PRKG1: variants seen among roughly 807,000 people sequenced by gnomAD.
PRKG1 encodes the protein cGMP-dependent protein kinase 1.
A neutral mutation model predicts 88.1 loss-of-function variants in PRKG1; 35 were observed. That is an observed-to-expected ratio of 0.40 (90% CI 0.30 to 0.53). The LOEUF (loss-of-function observed/expected upper bound fraction) is 0.53, where lower values mean the gene tolerates loss of function less well. PRKG1 is among the 20% of genes least tolerant of loss of function. The pLI, the probability that PRKG1 is intolerant of heterozygous loss-of-function variation, is 0.59. For missense variants in PRKG1, 540 were observed against 839.8 expected, an observed-to-expected ratio of 0.64 and a Z score of 4.41; for synonymous variants, 303 against 292.5, an observed-to-expected ratio of 1.04 and a Z score of -0.37.
At chr10:52,203,845 T>C (rs1401146920) in intron 9 of PRKG1, among the ~76,000 whole-genome samples, 1 of 152,116 alleles carries the variant, frequency 6.6e-6, no homozygotes, top group African/African-American at 2.4e-5. Flanking sequence ...CATGCTTTTG[T>C]TTTGTTTTGT....
At chr10:51,513,992 A>C in intron 3 of PRKG1, among the ~76,000 whole-genome samples, 1 of 142,582 alleles carries the variant, frequency 7.0e-6, no homozygotes, top group African/African-American at 2.7e-5. Context: ...GAAAGAACCA[A>C]GATCAGAGCA....
At position 52,293,787 on chromosome 10, in the gene PRKG1, G is replaced by C; in HGVS notation, c.1963-15G>C. The C allele has an allele frequency of 6.2e-7, 1 of 1,601,570 alleles. No individual in the cohort carries two copies. Among genetic ancestry groups the C allele is most frequent in the Non-Finnish European group, 8.5e-7 (1 of 1,172,002 alleles). On this transcript the variant is annotated splice_polypyrimidine_tract_variant and intron_variant, in intron 17 of 17. Coordinates refer to ENST00000373980, the MANE Select transcript of PRKG1 (RefSeq NM_006258.4). ...AAAAAAAATCCACTAAAAAAAACCT[G>C]TCCATTTTTTACAGGTTGCATCACC... is the stretch of plus-strand genomic sequence containing the variant.
chr10:52,046,914 A>G (rs1158096239), intron 5 of PRKG1: 1 of 152,154 alleles, frequency 6.6e-6, no homozygotes, highest in East Asian at 1.9e-4. Context: ...CATTAATTTG[A>G]GAAGATCTGG....
At chr10:51,786,270 G>A (rs561766245) in intron 3 of PRKG1, among the ~76,000 whole-genome samples, 7 of 152,066 alleles carry the variant, frequency 4.6e-5, no homozygotes, top group Admixed American at 2.6e-4. Flanking sequence ...GTTATTTCTC[G>A]GCTGAGTGGT....
Position 51,334,981 on chromosome 10 carries a change from G to GT in PRKG1, c.479-132737dup, listed in dbSNP as rs568815826. Among the ~76,000 whole-genome samples, 66 of 144,834 alleles carry GT rather than the reference G, an allele frequency of 4.6e-4. 1 individual carries two copies. The highest frequency in any genetic ancestry group is 1.6e-3 in the African/African-American group (63 of 39,402). On this transcript the variant is annotated intron_variant, in intron 2 of 17. Transcript: ENST00000373980. ...ATGAGTGCCTTGATTAAGCAAAAAG[G>GT]TTTTTCCTGTCAGGTTTCTTTTTTT... is the stretch of plus-strand genomic sequence containing the variant.
rs1370583258 is a variant in PRKG1, at chr10:52,068,160, G to A, written c.935+5529G>A. Among the ~76,000 whole-genome samples, 51 of 87,518 alleles carry A rather than the reference G, an allele frequency of 5.8e-4. 3 individuals carry two copies. The highest frequency in any genetic ancestry group is 1.6e-3 in the African/African-American group (48 of 29,164). 57.4% of individuals were successfully genotyped at this position (87,518 alleles called of 152,430 possible). A position where few individuals can be genotyped will look rare whatever the true frequency, so the allele number is the denominator to read the frequency against. ...GGAGCTTGCAGTGAGTCGAGATCGC[G>A]CCACTGCACTCCAGCCTGGGCGACA... is the stretch of plus-strand genomic sequence containing the variant. On this transcript the variant is annotated intron_variant, in intron 7 of 17. Transcript: ENST00000373980.
chr10:51,107,387 C>T (rs1262467183), intron 1 of PRKG1, among the ~76,000 whole-genome samples: 3 of 151,750 alleles, frequency 2.0e-5, no homozygotes, highest in Non-Finnish European at 2.9e-5. Context: ...ATTTTCCCAT[C>T]TCAAGAAACT....
chr10:52,139,288 G>T (rs1434153282), intron 8 of PRKG1, among the ~76,000 whole-genome samples: 2 of 152,016 alleles, frequency 1.3e-5, no homozygotes, highest in Non-Finnish European at 2.9e-5. Flanking sequence ...ATGGTTTTTT[G>T]TTCCTTTACC....
chr10:51,333,540 A>T (rs1250479002), intron 2 of PRKG1, among the ~76,000 whole-genome samples: 1 of 152,210 alleles, frequency 6.6e-6, no homozygotes, highest in African/African-American at 2.4e-5. Flanking sequence ...GAGAGAAAAA[A>T]GCTTAGCACA....
chr10:51,292,748 G>A (rs568391650), intron 2 of PRKG1, among the ~76,000 whole-genome samples: 11 of 151,986 alleles, frequency 7.2e-5, no homozygotes, highest in African/African-American at 2.4e-4. Context: ...TCTGCCTATG[G>A]GTGTCTACGC....
At chr10:51,571,747 T>C (rs1435816874) in intron 3 of PRKG1, among the ~76,000 whole-genome samples, 5 of 151,856 alleles carry the variant, frequency 3.3e-5, no homozygotes, top group African/African-American at 9.7e-5. Flanking sequence ...AAGATTATAG[T>C]TCATAATGGG....
At chr10:51,195,498 T>C (rs1353839457) in intron 2 of PRKG1, among the ~76,000 whole-genome samples, 1 of 152,224 alleles carries the variant, frequency 6.6e-6, no homozygotes, top group Non-Finnish European at 1.5e-5. Context: ...TTTTCAGCTT[T>C]CATTGTTTAC....
At chr10:51,597,184 A>T (rs891211911) in intron 3 of PRKG1, among the ~76,000 whole-genome samples, 2 of 151,328 alleles carry the variant, frequency 1.3e-5, no homozygotes, top group East Asian at 3.9e-4. Context: ...TTTTTTTTTT[A>T]AACCTGTAAT....
chr10:52,119,089 A>T lies in PRKG1; in HGVS notation c.936-14751A>T, dbSNP rs538750010. ...ATCACCTATATAAAGTATTATTATG[A>T]AAATCTACATATTCCATAATACACT... On this transcript the variant is annotated intron_variant, in intron 7 of 17. Coordinates refer to ENST00000373980, the MANE Select transcript of PRKG1 (RefSeq NM_006258.4). Among the ~76,000 whole-genome samples, 74 of 152,146 alleles carry T rather than the reference A, an allele frequency of 4.9e-4. 1 individual carries two copies. Among genetic ancestry groups the T allele is most frequent in the Non-Finnish European group, 7.6e-4 (52 of 67,992 alleles).
chr10:51,124,796 G>A (rs1197721478), intron 1 of PRKG1, among the ~76,000 whole-genome samples: 1 of 152,138 alleles, frequency 6.6e-6, no homozygotes, highest in African/African-American at 2.4e-5. Context: ...GAGTTAATTT[G>A]CTCTTTAGTT....
intron 9 of PRKG1, among the ~76,000 whole-genome samples, chr10:52,182,515 T>A (rs1476681043): frequency 1.0e-5 from 1 of 95,894 alleles, no homozygotes; most frequent in African/African-American, 4.8e-5. Context: ...TGCCCACGCC[T>A]ATGTCCTGAA....
intron 1 of PRKG1, among the ~76,000 whole-genome samples, chr10:51,043,677 A>G (rs1194967535): frequency 2.6e-5 from 4 of 152,158 alleles, no homozygotes; most frequent in Non-Finnish European, 5.9e-5. Context: ...CACAAACTCC[A>G]CAAGAACAGG....
At chr10:51,130,265 C>T (rs1340627876) in intron 1 of PRKG1, among the ~76,000 whole-genome samples, 1 of 152,166 alleles carries the variant, frequency 6.6e-6, no homozygotes, top group African/African-American at 2.4e-5. Flanking sequence ...TTCCCAGCCT[C>T]TATTCTCCAT....
At chr10:52,024,996 T>G (rs1386399483) in intron 5 of PRKG1, among the ~76,000 whole-genome samples, 1 of 152,166 alleles carries the variant, frequency 6.6e-6, no homozygotes, top group African/African-American at 2.4e-5. Context: ...CATCTCTTGT[T>G]TCCGGACTTT....
Sources: gnomAD v4.1 joint callset for allele counts (sites outside exome capture counted in the v4.1 genomes callset) on GRCh38, gnomAD v4.1.1 for gene constraint, MANE v1.5 for transcripts, NCBI Gene and HGNC (gene_info 2026-07-23, HGNC 2026-07-21) for gene names.